ACOT11: variants seen among roughly 807,000 people sequenced by gnomAD.
ACOT11 encodes the protein acyl-coenzyme A thioesterase 11.
Under a neutral mutation model 77.5 loss-of-function variants are expected in ACOT11, and 69 were observed. The ratio of observed to expected loss-of-function variants is 0.89; its 90% CI spans 0.73 to 1.09. The LOEUF (loss-of-function observed/expected upper bound fraction) is 1.09. ACOT11 is among the 50% of genes least tolerant of loss of function. The probability of loss-of-function intolerance (pLI) is 0.00; values close to 1 mark genes in which losing one functional copy is unlikely to be tolerated. For missense variants in ACOT11, 766 were observed against 813.7 expected, an observed-to-expected ratio of 0.94 and a Z score of 0.71; for synonymous variants, 279 against 313.0, an observed-to-expected ratio of 0.89 and a Z score of 1.15.
At chr1:54,616,157 A>G in intron 15 of ACOT11, 1 of 1,614,146 alleles carries the variant, frequency 6.2e-7, no homozygotes, top group South Asian at 1.1e-5. Flanking sequence ...GTCAGCCTCC[A>G]GGACTGTGAT....
Position 54,603,885 on chromosome 1 carries a change from C to T in ACOT11, c.1100C>T (p.Ser367Phe), listed in dbSNP as rs764870998. 1 of 1,614,112 alleles carries T rather than the reference C, an allele frequency of 6.2e-7. No individual in the cohort carries two copies. Among genetic ancestry groups the T allele is most frequent in the South Asian group, 1.1e-5 (1 of 91,078 alleles). ...CTCCTTCCCAGGAAGTACATCGTGT[C>T]CTGTAAGCAGACAGAGGTGCCCCTC... Reference protein sequence around the residue: ...KIRLDRKYIVSCKQTEVPLSV... With the variant: ...KIRLDRKYIVFCKQTEVPLSV... The change falls in exon 11 of 16, where the codon TCC becomes TTC. Residue 367 changes from serine to phenylalanine, a missense_variant. Ser to Phe is a radical substitution (Grantham distance 155). Transcript: ENST00000343744.
intron 15 of ACOT11, chr1:54,623,618 A>G: frequency 1.9e-6 from 1 of 518,808 alleles, no homozygotes; most frequent in East Asian, 3.1e-5. Context: ...CAGGATCTTA[A>G]CAGGCTAACC....
At chr1:54,595,210 G>C (rs1280191911) in intron 6 of ACOT11, among the ~76,000 whole-genome samples, 1 of 152,036 alleles carries the variant, frequency 6.6e-6, no homozygotes, top group Non-Finnish European at 1.5e-5. Context: ...GCTGGGTGTA[G>C]TGGCGTGCAC....
At chr1:54,577,320 C>T (rs544918308) in intron 1 of ACOT11, among the ~76,000 whole-genome samples, 1 of 152,166 alleles carries the variant, frequency 6.6e-6, no homozygotes, top group Non-Finnish European at 1.5e-5. Context: ...CTGCCCCCAG[C>T]CCCGGCAACC....
intron 1 of ACOT11, among the ~76,000 whole-genome samples, chr1:54,573,784 C>T (rs1387384407): frequency 6.6e-6 from 1 of 152,052 alleles, no homozygotes; most frequent in African/African-American, 2.4e-5. Flanking sequence ...AATCCTAGCA[C>T]TTTGGGAGGC....
In ACOT11 at chr1:54,630,949, C is replaced by T. The variant is rs748643041; in HGVS notation, c.1782+63C>T. The T allele has an allele frequency of 2.1e-5, 12 of 575,710 alleles. No individual in the cohort carries two copies. The East Asian group carries it at 3.0e-4, about 14-fold the overall frequency. The allele number at this position is 575,710 out of a possible 1,614,324, so 35.7% of individuals were successfully genotyped here. ...AATGGGATGGGTATGGGGTCTGGTT[C>T]GTTTCACCTTAGAACTTTTTCACAC... On this transcript the variant is annotated intron_variant, in intron 16 of 16. Transcript: ENST00000371316.
intron 1 of ACOT11, among the ~76,000 whole-genome samples, chr1:54,569,608 C>A (rs1051924760): frequency 6.6e-6 from 1 of 152,228 alleles, no homozygotes; most frequent in South Asian, 2.1e-4. Flanking sequence ...CCTTCACCCC[C>A]CAACCCCTCA....
intron 1 of ACOT11, among the ~76,000 whole-genome samples, chr1:54,551,130 CAAAA>C (rs11367325): frequency 2.2e-5 from 2 of 90,952 alleles, no homozygotes. Context: ...ACAGTGGTCT[CAAAA>C]AAAAAAAAAA....
At chr1:54,602,606 G>A in intron 9 of ACOT11, 63 bp from the exon 10 acceptor site, 1 of 1,408,324 alleles carries the variant, frequency 7.1e-7, no homozygotes, top group Non-Finnish European at 9.3e-7. Flanking sequence ...GGCCCTGGGG[G>A]ATGGAGAGGG....
At chr1:54,588,462 T>G (rs1026795338) in intron 3 of ACOT11, among the ~76,000 whole-genome samples, 3 of 152,204 alleles carry the variant, frequency 2.0e-5, no homozygotes, top group Non-Finnish European at 4.4e-5. Context: ...AGTACCTTGT[T>G]GAAGGTGGTA....
chr1:54,611,646 G>A (rs778792846), downstream of ACOT11: 1 of 1,614,056 alleles, frequency 6.2e-7, no homozygotes, highest in African/African-American at 1.3e-5. Context: ...GCTCAAAGAT[G>A]TCATAGTAGA....
chr1:54,594,140 G>T, intron 5 of ACOT11, 101 bp downstream of exon 5: 1 of 1,019,742 alleles, frequency 9.8e-7, no homozygotes, highest in Non-Finnish European at 1.4e-6. Flanking sequence ...TGGCAGAGGG[G>T]ATGGGGAGGG....
exon 16 of ACOT11, chr1:54,630,830 G>T: frequency 1.3e-6 from 1 of 768,276 alleles, no homozygotes; most frequent in South Asian, 1.4e-5. Context: ...CAGGAGCGAC[G>T]GTTGGAATGG....
At chr1:54,597,475 A>G (rs1569742656) in intron 7 of ACOT11, 60 bp downstream of exon 7, 2 of 1,518,178 alleles carry the variant, frequency 1.3e-6, no homozygotes, top group African/African-American at 1.4e-5. Context: ...CCCCTTGGCT[A>G]CCTCCCTCTG....
At chr1:54,574,044 A>T (rs1475035299) in intron 1 of ACOT11, among the ~76,000 whole-genome samples, 1 of 152,140 alleles carries the variant, frequency 6.6e-6, no homozygotes, top group East Asian at 1.9e-4. Context: ...AAAAAAAAAA[A>T]AAATAGTTCA....
intron 8 of ACOT11, among the ~76,000 whole-genome samples, chr1:54,600,680 C>CA (rs757016077): frequency 4.0e-5 from 6 of 151,872 alleles, no homozygotes; most frequent in Non-Finnish European, 8.8e-5. Context: ...GAGACTGTCT[C>CA]AAAAAATAAA....
chr1:54,603,425 G>T (rs1299405210), intron 10 of ACOT11, among the ~76,000 whole-genome samples: 3 of 152,364 alleles, frequency 2.0e-5, no homozygotes, highest in African/African-American at 7.2e-5. Context: ...TTTAGAGGCT[G>T]TAAGCACAGC....
intron 1 of ACOT11, chr1:54,573,200 G>A (rs1653984291): frequency 1.0e-6 from 1 of 985,352 alleles, no homozygotes; most frequent in Admixed American, 6.1e-5. Flanking sequence ...AGCAGCAACT[G>A]TCCTGCCTGC....
intron 1 of ACOT11, among the ~76,000 whole-genome samples, chr1:54,580,157 G>A (rs1569699317): frequency 1.3e-5 from 2 of 152,258 alleles, no homozygotes; most frequent in Middle Eastern, 3.4e-3. Context: ...GCTTGCTCAA[G>A]GTTATCAACG....
Sources: gnomAD v4.1 joint callset for allele counts (sites outside exome capture counted in the v4.1 genomes callset) on GRCh38, gnomAD v4.1.1 for gene constraint, MANE v1.5 for transcripts, NCBI Gene and HGNC (gene_info 2026-07-23, HGNC 2026-07-21) for gene names.